PRPF39: variants seen among roughly 807,000 people sequenced by gnomAD.
The protein encoded by PRPF39 is pre-mRNA-processing factor 39.
A neutral mutation model predicts 82.1 loss-of-function variants in PRPF39; 27 were observed. The ratio of observed to expected loss-of-function variants is 0.33; its 90% CI spans 0.24 to 0.45. The LOEUF is 0.45. Among genes scored for constraint, PRPF39 ranks in the 20% least tolerant of loss-of-function variants. The pLI, the probability that PRPF39 is intolerant of heterozygous loss-of-function variation, is 1.00. For missense variants in PRPF39, 581 were observed against 796.9 expected (o/e 0.73, Z 3.26); for synonymous variants, 261 against 256.4 (o/e 1.02, Z -0.17).
chr14:45,092,785 C>T (rs376016077), intron 1 of PRPF39, among the ~76,000 whole-genome samples: 2 of 151,872 alleles, frequency 1.3e-5, no homozygotes, highest in South Asian at 2.1e-4. Context: ...TCATTGTAGT[C>T]GGTAAGGAAT....
At chr14:45,090,281 T>G (rs1883977723) in intron 1 of PRPF39, among the ~76,000 whole-genome samples, 1 of 152,242 alleles carries the variant, frequency 6.6e-6, no homozygotes. Context: ...CTTGGAAAAG[T>G]TGATGACATT....
At chr14:45,113,210 G>C (rs1278253233) in intron 11 of PRPF39, among the ~76,000 whole-genome samples, 1 of 152,176 alleles carries the variant, frequency 6.6e-6, no homozygotes, top group Admixed American at 6.6e-5. Context: ...TTGTATATGT[G>C]TGTATATATT....
At chr14:45,088,482 A>T (rs571443387) in intron 1 of PRPF39, among the ~76,000 whole-genome samples, 2 of 152,322 alleles carry the variant, frequency 1.3e-5, no homozygotes, top group East Asian at 3.9e-4. Flanking sequence ...AAAAAACAGA[A>T]AGCAAAACTC....
chr14:45,102,022 A>T (rs1046038017), intron 4 of PRPF39, among the ~76,000 whole-genome samples: 2 of 151,664 alleles, frequency 1.3e-5, no homozygotes, highest in Non-Finnish European at 2.9e-5. Context: ...GGCCATGTTG[A>T]TCTTGAACTC....
At chr14:45,085,754 C>G (rs935287201) in intron 1 of PRPF39, among the ~76,000 whole-genome samples, 3 of 152,060 alleles carry the variant, frequency 2.0e-5, no homozygotes, top group Non-Finnish European at 2.9e-5. Context: ...TTCTTACATC[C>G]CAAATCTCCA....
chr14:45,086,616 A>T (rs543693116), intron 1 of PRPF39, among the ~76,000 whole-genome samples: 3 of 152,208 alleles, frequency 2.0e-5, no homozygotes, highest in African/African-American at 7.2e-5. Context: ...TTGTAAGATT[A>T]ATACTTTTGG....
chr14:45,098,439 C>G (rs964751767), intron 4 of PRPF39, among the ~76,000 whole-genome samples: 1 of 149,080 alleles, frequency 6.7e-6, no homozygotes, highest in Non-Finnish European at 1.5e-5. Context: ...AGAGCAAGAC[C>G]CTGTCTCAAA....
chr14:45,100,981 C>T (rs890916305), intron 4 of PRPF39, among the ~76,000 whole-genome samples: 2 of 152,092 alleles, frequency 1.3e-5, no homozygotes, highest in African/African-American at 4.8e-5. Flanking sequence ...CTTTTATATA[C>T]TCCCACTGTT....
At chr14:45,087,839 A>G (rs569720113) in intron 1 of PRPF39, among the ~76,000 whole-genome samples, 108 of 148,268 alleles carry the variant, frequency 7.3e-4, no homozygotes, top group African/African-American at 2.5e-3. Context: ...CGCCCGCCTC[A>G]GCCTCCCAAA....
chr14:45,112,305 G>T lies in PRPF39; in HGVS notation c.1573-13G>T. The stretch of plus-strand genomic sequence containing the variant: ...TATTTTAGAAATATTCATTGATGCT[G>T]CTTTTTACACAGGAGAACACAAAGT... On this transcript the variant is annotated splice_polypyrimidine_tract_variant and intron_variant, in intron 10 of 13. Coordinates refer to ENST00000355765, the MANE Select transcript of PRPF39 (RefSeq NM_017922.4). The T allele has an allele frequency of 6.5e-7, 1 of 1,543,686 alleles. No individual in the cohort carries two copies. The highest frequency in any genetic ancestry group is 8.7e-7 in the Non-Finnish European group (1 of 1,155,898).
At position 45,096,207 on chromosome 14, in the gene PRPF39, C is replaced by T. The variant is rs1884196149; in HGVS notation, c.429C>T (p.Asp143=). 6.3e-7 allele frequency: 1 copy of T among 1,588,388 alleles called. No individual in the cohort carries two copies. The highest frequency in any genetic ancestry group is 8.6e-7 in the Non-Finnish European group (1 of 1,166,774). The stretch of plus-strand genomic sequence containing the variant: ...ATGCAGACCTTGAAAAGCGGCACGA[C>T]AACATTAAACCATCAGATGAGGTGC... ...KKYADLEKRH[D]NIKPSDEVYR... is the part of the protein sequence containing the mutation. Residue 143 remains aspartate (D), a synonymous_variant, in exon 3 of 14, where the codon GAC becomes GAT. Coordinates refer to ENST00000355765, the MANE Select transcript of PRPF39 (RefSeq NM_017922.4).
intron 6 of PRPF39, 149 bp from the exon 7 acceptor site, chr14:45,108,266 G>T: frequency 1.1e-6 from 1 of 875,004 alleles, no homozygotes; most frequent in Non-Finnish European, 1.6e-6. Flanking sequence ...GTTGTTAATT[G>T]GATTTTGCAC....
rs1884217716 is a variant in PRPF39, at chr14:45,096,943, T to C, written c.507T>C (p.Tyr169=). The C allele has an allele frequency of 1.9e-6, 3 of 1,552,610 alleles. No individual in the cohort carries two copies. The highest frequency in any genetic ancestry group is 2.6e-6 in the Non-Finnish European group (3 of 1,147,788). ...IPLSVDLWIH[Y]INFLKETLDP... is the part of the protein sequence containing the mutation. ...TTAGTGTTGACCTTTGGATACATTA[T>C]ATAAACTTCTTAAAAGAAACATTGG... The change falls in exon 4 of 14, where the codon TAT becomes TAC. Residue 169 remains tyrosine, a synonymous_variant. Coordinates refer to ENST00000355765, the MANE Select transcript of PRPF39 (RefSeq NM_017922.4).
intron 5 of PRPF39, among the ~76,000 whole-genome samples, chr14:45,103,245 T>G (rs1282516744): frequency 1.3e-5 from 2 of 152,276 alleles, no homozygotes; most frequent in Non-Finnish European, 2.9e-5. Context: ...ATCCTTTTAT[T>G]TTAATGATTA....
intron 6 of PRPF39, among the ~76,000 whole-genome samples, chr14:45,107,996 C>T (rs138106549): frequency 7.2e-5 from 11 of 152,154 alleles, no homozygotes; most frequent in Non-Finnish European, 1.6e-4. Context: ...ATGAGTGGCA[C>T]AGTGATCACT....
At position 45,110,950 on chromosome 14, in the gene PRPF39, C is replaced by A. The variant is rs1315145157; in HGVS notation, c.1572+133C>A. 2.6e-5 allele frequency: 23 copies of A among 890,756 alleles called. No individual in the cohort carries two copies. Among genetic ancestry groups the A allele is most frequent in the Non-Finnish European group, 3.8e-5 (23 of 606,746 alleles). The allele number at this position is 890,756 out of a possible 1,614,324, so 55.2% of individuals were successfully genotyped here. On this transcript the variant is annotated intron_variant, in intron 10 of 13. Coordinates refer to ENST00000355765, the MANE Select transcript of PRPF39 (RefSeq NM_017922.4). This position sits in a 1 kb window ranked among gnomAD's most constrained non-coding sequence, Gnocchi z 4.0. ...TATTACTAAATGAGGACAACAGTCCCTCTAAACTGATGTTGCCATTTAAAA... is the reference window on the plus strand; with the variant it reads ...TATTACTAAATGAGGACAACAGTCCATCTAAACTGATGTTGCCATTTAAAA...
chr14:45,090,492 CTCTTA>C (rs773415099), intron 1 of PRPF39, among the ~76,000 whole-genome samples: 5 of 152,248 alleles, frequency 3.3e-5, no homozygotes, highest in East Asian at 1.9e-4. Context: ...TTCTGTGTCT[CTCTTA>C]TCTTTTCAGT....
At position 45,114,550 on chromosome 14, in the gene PRPF39, C is replaced by T. The variant is rs1292868167; in HGVS notation, c.1889C>T (p.Thr630Ile). Residue 630 changes from threonine to isoleucine, a missense_variant, in exon 13 of 14, where the codon ACA becomes ATA. Thr to Ile is a moderately conservative substitution (Grantham distance 89). Transcript: ENST00000355765. ...AHTEDTTSSS[T>I]QMIDGDLQAN... ...ACAGAAGATACAACTTCATCATCTA[C>T]ACAGATGATTGATGGTGATTTACAG... 6.2e-7 allele frequency: 1 copy of T among 1,602,888 alleles called. No individual in the cohort carries two copies. The highest frequency in any genetic ancestry group is 8.5e-7 in the Non-Finnish European group (1 of 1,173,634).
At chr14:45,098,028 C>T (rs1242923555) in intron 4 of PRPF39, among the ~76,000 whole-genome samples, 2 of 152,168 alleles carry the variant, frequency 1.3e-5, no homozygotes, top group Non-Finnish European at 2.9e-5. Context: ...TTTTAACCCA[C>T]TTACACTTTG....
Sources: allele counts gnomAD v4.1 joint callset (sites outside exome capture counted in the v4.1 genomes callset), GRCh38; gene constraint gnomAD v4.1.1; non-coding constraint Gnocchi (gnomAD v3.1); transcripts MANE v1.5; gene names NCBI Gene and HGNC (gene_info 2026-07-23, HGNC 2026-07-21).